VWC2: variants seen among roughly 807,000 people sequenced by gnomAD.
VWC2 encodes von Willebrand factor C domain containing 2, also known as brorin.
A neutral mutation model predicts 29.8 loss-of-function variants in VWC2; 14 were observed. The ratio of observed to expected loss-of-function variants is 0.47; its 90% CI spans 0.31 to 0.74. The LOEUF (loss-of-function observed/expected upper bound fraction) is 0.74. Among genes scored for constraint, VWC2 ranks in the 30% least tolerant of loss-of-function variants. VWC2 has a pLI of 0.05. For missense variants in VWC2, 457 were observed against 459.8 expected, an observed-to-expected ratio of 0.99 and a Z score of 0.05; for synonymous variants, 213 against 199.0, an observed-to-expected ratio of 1.07 and a Z score of -0.59.
chr7:49,866,295 A>G lies in VWC2; in HGVS notation c.827-45739A>G, dbSNP rs918626239. 6.6e-5 allele frequency among the ~76,000 whole-genome samples: 10 copies of G among 152,116 alleles called. No homozygotes were observed. In the East Asian group the frequency reaches 7.7e-4, roughly 12 times the overall value. On this transcript the variant is annotated intron_variant, in intron 3 of 3. Coordinates refer to ENST00000340652, the MANE Select transcript of VWC2 (RefSeq NM_198570.5). ...TGTCAGCTGTGCCAGGTGTCTTGCTATGGCCTAACACTGGTTGCCACTTTT... is the reference window on the plus strand; with the variant it reads ...TGTCAGCTGTGCCAGGTGTCTTGCTGTGGCCTAACACTGGTTGCCACTTTT...
At chr7:49,829,869 C>T in intron 3 of VWC2, among the ~76,000 whole-genome samples, 1 of 152,210 alleles carries the variant, frequency 6.6e-6, no homozygotes, top group East Asian at 1.9e-4. Context: ...ATGGGAATGG[C>T]CATCTCTGGA....
chr7:49,787,734 G>A (rs1038424612), intron 2 of VWC2, among the ~76,000 whole-genome samples: 2 of 152,214 alleles, frequency 1.3e-5, no homozygotes, highest in African/African-American at 4.8e-5. Flanking sequence ...CTGTGGCCTG[G>A]GCAGGAGAAG....
At chr7:49,882,864 TTTGTTG>T (rs201572339) in intron 3 of VWC2, among the ~76,000 whole-genome samples, 6 of 151,902 alleles carry the variant, frequency 3.9e-5, no homozygotes, top group Admixed American at 6.6e-5. Context: ...TTTTTTTGTT[TTTGTTG>T]TTGTTGTTGT....
intron 3 of VWC2, among the ~76,000 whole-genome samples, chr7:49,859,586 G>A (rs1310466274): frequency 6.6e-6 from 1 of 152,178 alleles, no homozygotes; most frequent in East Asian, 1.9e-4. Flanking sequence ...ACATATGTGT[G>A]CATTGACGTC....
In VWC2 at chr7:49,917,129, C is replaced by T. The variant is rs1483151154; in HGVS notation, c.*4944C>T. The T allele has an allele frequency of 6.6e-6, 1 of 152,066 alleles. No individual in the cohort carries two copies. Among genetic ancestry groups the T allele is most frequent in the East Asian group, 1.9e-4 (1 of 5,190 alleles). 9.4% of individuals were successfully genotyped at this position (152,066 alleles called of 1,614,324 possible). ...TCTTTCTACATAACATAATTAAACA[C>T]CTCAGTAGGTATCTAGTGAACTGAT... On this transcript the variant is annotated 3_prime_UTR_variant, in exon 4 of 4. Coordinates refer to ENST00000340652, the MANE Select transcript of VWC2 (RefSeq NM_198570.5).
At chr7:49,859,788 GTGCACACACACACA>G (rs1295106656) in intron 3 of VWC2, among the ~76,000 whole-genome samples, 5,787 of 148,512 alleles carry the variant, frequency 0.039, 281 homozygotes, top group South Asian at 0.12. Flanking sequence ...GTGCGCGTGC[GTGCACACACACACA>G]CACACACACA....
chr7:49,877,481 A>AAAAATATATACATATATATATAT, intron 3 of VWC2, among the ~76,000 whole-genome samples: 1 of 12,722 alleles, frequency 7.9e-5, no homozygotes, highest in African/African-American at 2.8e-4. Flanking sequence ...AAAAAAAAAA[A>AAAAATATATACATATATATATAT]ATATATATAT....
At chr7:49,864,501 G>T (rs1790798916) in intron 3 of VWC2, among the ~76,000 whole-genome samples, 2 of 152,304 alleles carry the variant, frequency 1.3e-5, no homozygotes, top group Admixed American at 6.5e-5. Context: ...TCCCAAGGAA[G>T]CTCTTTCTGG....
intron 2 of VWC2, among the ~76,000 whole-genome samples, chr7:49,783,701 C>T (rs185778664): frequency 6.6e-6 from 1 of 152,268 alleles, no homozygotes; most frequent in East Asian, 1.9e-4. Context: ...CTGCCGAGGG[C>T]CCTGTGAGTT....
chr7:49,896,223 C>T (rs919950638), intron 3 of VWC2, among the ~76,000 whole-genome samples: 1 of 152,094 alleles, frequency 6.6e-6, no homozygotes, highest in South Asian at 2.1e-4. Context: ...TGCCTGTAGT[C>T]CCAGCTACTC....
chr7:49,786,141 G>A (rs953701993), intron 2 of VWC2, among the ~76,000 whole-genome samples: 9 of 151,998 alleles, frequency 5.9e-5, no homozygotes, highest in East Asian at 1.9e-4. Context: ...CACCTCCCTC[G>A]CCCCTCTCAT....
At chr7:49,904,993 C>A (rs1483284728) in intron 3 of VWC2, among the ~76,000 whole-genome samples, 1 of 152,086 alleles carries the variant, frequency 6.6e-6, no homozygotes, top group African/African-American at 2.4e-5. Context: ...CTCAGCCTCC[C>A]AAAGTGCTGG....
chr7:49,900,878 T>C (rs1792687407), intron 3 of VWC2, among the ~76,000 whole-genome samples: 2 of 151,802 alleles, frequency 1.3e-5, no homozygotes, highest in South Asian at 4.1e-4. Context: ...TATTAGCAAA[T>C]TGAACCCAAC....
chr7:49,850,886 C>A (rs1583676081), intron 3 of VWC2, among the ~76,000 whole-genome samples: 1 of 152,204 alleles, frequency 6.6e-6, no homozygotes, highest in Non-Finnish European at 1.5e-5. Context: ...CAGGATGACT[C>A]CCTGTGGAGA....
chr7:49,834,012 G>T (rs2128711926), intron 3 of VWC2, among the ~76,000 whole-genome samples: 1 of 152,282 alleles, frequency 6.6e-6, no homozygotes, highest in East Asian at 1.9e-4. Flanking sequence ...GGTGGCTTGT[G>T]GATCATCACA....
chr7:49,777,576 ACTCCAGG>A (rs1281792902), intron 2 of VWC2, among the ~76,000 whole-genome samples: 4 of 152,014 alleles, frequency 2.6e-5, no homozygotes, highest in Non-Finnish European at 5.9e-5. Flanking sequence ...GCAAAATATA[ACTCCAGG>A]CATACATTGC....
At chr7:49,778,314 C>A (rs1406373114) in intron 2 of VWC2, among the ~76,000 whole-genome samples, 1 of 152,074 alleles carries the variant, frequency 6.6e-6, no homozygotes, top group Non-Finnish European at 1.5e-5. Context: ...AATTAAAATA[C>A]CAGTAAAGCT....
At chr7:49,854,272 TC>T (rs1170872744) in intron 3 of VWC2, among the ~76,000 whole-genome samples, 3 of 152,178 alleles carry the variant, frequency 2.0e-5, no homozygotes. Context: ...TAGTTTGAGA[TC>T]CTTGAGGAAT....
chr7:49,823,490 G>T (rs1789313942), intron 3 of VWC2, among the ~76,000 whole-genome samples: 2 of 152,288 alleles, frequency 1.3e-5, no homozygotes, highest in Non-Finnish European at 2.9e-5. Context: ...AGCGGGGTGG[G>T]GTGAGCTTGG....
Sources: gnomAD v4.1 joint callset for allele counts (sites outside exome capture counted in the v4.1 genomes callset) on GRCh38, gnomAD v4.1.1 for gene constraint, MANE v1.5 for transcripts, NCBI Gene and HGNC (gene_info 2026-07-23, HGNC 2026-07-21) for gene names.